The following PRKN variants were observed in gnomAD, a reference collection of about 807,000 sequenced individuals.
PRKN encodes parkin RBR E3 ubiquitin protein ligase.
Under a neutral mutation model 59.5 loss-of-function variants are expected in PRKN, and 56 were observed. The ratio of observed to expected loss-of-function variants is 0.94; its 90% CI spans 0.76 to 1.18. PRKN has a LOEUF of 1.18. Ranked by LOEUF, PRKN falls within the 50% of genes most tolerant of loss-of-function variation. The probability of loss-of-function intolerance (pLI) is 0.00; values close to 1 mark genes in which losing one functional copy is unlikely to be tolerated. For missense variants in PRKN, 657 were observed against 596.4 expected (o/e 1.10, Z -1.06); for synonymous variants, 250 against 222.1 (o/e 1.13, Z -1.12).
intron 6 of PRKN, among the ~76,000 whole-genome samples, chr6:161,953,732 A>G (rs1780069225): frequency 6.6e-6 from 1 of 152,336 alleles, no homozygotes; most frequent in African/African-American, 2.4e-5. Context: ...AGCATTCTAC[A>G]CACACATGTA....
intron 6 of PRKN, among the ~76,000 whole-genome samples, chr6:161,902,486 G>C (rs547862750): frequency 6.6e-6 from 1 of 151,274 alleles, no homozygotes; most frequent in Non-Finnish European, 1.5e-5. Context: ...GAGTGGTTTA[G>C]AGTCACTGGT....
intron 6 of PRKN, among the ~76,000 whole-genome samples, chr6:161,802,469 A>G (rs910448536): frequency 3.3e-5 from 5 of 149,652 alleles, no homozygotes; most frequent in African/African-American, 1.2e-4. Context: ...TATGACCCAC[A>G]CACGCCCCCC....
chr6:162,245,870 C>G (rs1442571503), intron 3 of PRKN, among the ~76,000 whole-genome samples: 1 of 152,148 alleles, frequency 6.6e-6, no homozygotes. Flanking sequence ...TAAGAGACAA[C>G]AGAGACTATG....
At chr6:161,507,015 C>T (rs572303702) in intron 9 of PRKN, among the ~76,000 whole-genome samples, 16 of 152,312 alleles carry the variant, frequency 1.1e-4, no homozygotes, top group African/African-American at 3.6e-4. Context: ...TGTTCAGCTA[C>T]ACTAAGCAGC....
chr6:162,097,063 A>G (rs1779774299), intron 4 of PRKN, among the ~76,000 whole-genome samples: 1 of 151,732 alleles, frequency 6.6e-6, no homozygotes, highest in African/African-American at 2.4e-5. Flanking sequence ...TTTTTAGTAG[A>G]GACAGAGTTT....
rs1380289389 is a variant in PRKN, at chr6:161,377,948, G to A, written c.1167+8846C>T. On this transcript the variant is annotated intron_variant, in intron 10 of 11. Transcript: ENST00000366898. The surrounding 1 kb of genome is among the most constrained non-coding windows in gnomAD (Gnocchi z 4.2). ...GTTGTTTATAAGCCAGCCAGTCTAC[G>A]GTATTGAGTGACAGCAGCCCAAACA... Among the ~76,000 whole-genome samples, 3 of 152,098 alleles carry A rather than the reference G, an allele frequency of 2.0e-5. No homozygotes were observed. The highest frequency in any genetic ancestry group is 2.1e-4 in the South Asian group (1 of 4,810).
intron 4 of PRKN, among the ~76,000 whole-genome samples, chr6:162,076,335 C>G (rs1194032641): frequency 6.6e-6 from 1 of 151,934 alleles, no homozygotes; most frequent in Admixed American, 6.6e-5. Context: ...TCACTTTGTC[C>G]TTGGACAAGT....
chr6:162,188,103 G>A (rs754009922), intron 4 of PRKN, among the ~76,000 whole-genome samples: 1 of 152,168 alleles, frequency 6.6e-6, no homozygotes, highest in Non-Finnish European at 1.5e-5. Flanking sequence ...CACCATCCAT[G>A]TAAGACATGA....
Position 162,619,400 on chromosome 6 carries a change from C to A in PRKN, c.7+108262G>T, listed in dbSNP as rs147342540. On this transcript the variant is annotated intron_variant, in intron 1 of 11. Transcript: ENST00000366898. ...TGACCTCGCAATCCGCCCGCCTCGG[C>A]CTCCCAAAGTGCTGGAAAACTATGC... Among the ~76,000 whole-genome samples, 391 of 152,138 alleles carry A rather than the reference C, an allele frequency of 2.6e-3. 17 individuals carry two copies. In the East Asian group the frequency reaches 0.062, roughly 24 times the overall value.
intron 2 of PRKN, among the ~76,000 whole-genome samples, chr6:162,358,154 A>ATG (rs1327518786): frequency 6.6e-6 from 1 of 152,336 alleles, no homozygotes; most frequent in African/African-American, 2.4e-5. Flanking sequence ...AGGAAAGTGT[A>ATG]TGTGTGTGTT....
At chr6:162,392,126 A>C (rs1787232284) in intron 2 of PRKN, among the ~76,000 whole-genome samples, 1 of 152,132 alleles carries the variant, frequency 6.6e-6, no homozygotes, top group Admixed American at 6.5e-5. Flanking sequence ...GAAGAAAAGC[A>C]ATATGCCCAA....
At chr6:161,829,331 C>A (rs1449833775) in intron 6 of PRKN, among the ~76,000 whole-genome samples, 1 of 152,214 alleles carries the variant, frequency 6.6e-6, no homozygotes, top group Non-Finnish European at 1.5e-5. Context: ...CTTTGCCAAC[C>A]ACAGTCTGGT....
chr6:161,726,025 C>T (rs991266538), intron 7 of PRKN, among the ~76,000 whole-genome samples: 21 of 152,278 alleles, frequency 1.4e-4, no homozygotes, highest in Admixed American at 5.2e-4. Context: ...GTGTCGTATG[C>T]AGCTGGAAAT....
chr6:161,348,995 C>T lies in PRKN; in HGVS notation c.*1104G>A, dbSNP rs1784425140. On this transcript the variant is annotated 3_prime_UTR_variant, in exon 12 of 12. Transcript: ENST00000366898. The surrounding 1 kb of genome is among the most constrained non-coding windows in gnomAD (Gnocchi z 4.9). ...AGAGAAGGTCTCTCCTGGGGAACCCCTGGTATGCAGAGCTCCCTGGGACTT... is the reference window on the plus strand; with the variant it reads ...AGAGAAGGTCTCTCCTGGGGAACCCTTGGTATGCAGAGCTCCCTGGGACTT... 4.9e-6 allele frequency: 1 copy of T among 205,750 alleles called. No individual in the cohort carries two copies. Among genetic ancestry groups the T allele is most frequent in the African/African-American group, 2.3e-5 (1 of 43,782 alleles). The allele number at this position is 205,750 out of a possible 1,614,324, so 12.7% of individuals were successfully genotyped here.
chr6:162,454,384 T>C (rs779706878), intron 1 of PRKN, among the ~76,000 whole-genome samples: 4 of 152,228 alleles, frequency 2.6e-5, no homozygotes, highest in Admixed American at 6.5e-5. Flanking sequence ...TCTGTTTAAA[T>C]AGAGCTCTCA....
chr6:162,495,714 G>A (rs911954271), intron 1 of PRKN, among the ~76,000 whole-genome samples: 4 of 152,070 alleles, frequency 2.6e-5, no homozygotes, highest in Non-Finnish European at 2.9e-5. Flanking sequence ...AAACACTGCC[G>A]CCAAGTGTTG....
chr6:161,977,497 T>C (rs911425583), intron 5 of PRKN, among the ~76,000 whole-genome samples: 5 of 152,078 alleles, frequency 3.3e-5, no homozygotes, highest in African/African-American at 1.2e-4. Context: ...AATCTGCCTT[T>C]TGATCTGGAG....
intron 6 of PRKN, among the ~76,000 whole-genome samples, chr6:161,885,037 T>A (rs1433651046): frequency 6.6e-6 from 1 of 151,370 alleles, no homozygotes; most frequent in African/African-American, 2.4e-5. Flanking sequence ...TTGCTATTCA[T>A]GAACGTAGTT....
At chr6:162,057,152 C>A (rs1276983606) in intron 4 of PRKN, among the ~76,000 whole-genome samples, 1 of 152,066 alleles carries the variant, frequency 6.6e-6, no homozygotes, top group Non-Finnish European at 1.5e-5. Context: ...GGTCGGGGCT[C>A]ATCATTAATA....
Sources: gnomAD v4.1 joint callset for allele counts (sites outside exome capture counted in the v4.1 genomes callset) on GRCh38, gnomAD v4.1.1 for gene constraint, Gnocchi (gnomAD v3.1) non-coding constraint, MANE v1.5 for transcripts, NCBI Gene and HGNC (gene_info 2026-07-23, HGNC 2026-07-21) for gene names.